TDP1: variants seen among roughly 807,000 people sequenced by gnomAD.
TDP1 encodes the protein tyr-DNA phosphodiesterase 1.
TDP1 carries 64 observed loss-of-function variants against 81.5 expected under a neutral mutation model. The ratio of observed to expected loss-of-function variants is 0.79; its 90% CI spans 0.64 to 0.97. The LOEUF (loss-of-function observed/expected upper bound fraction) is 0.97, where lower values mean the gene tolerates loss of function less well. Ranked by LOEUF, TDP1 falls within the 50% of genes least tolerant of loss-of-function variation. The probability of loss-of-function intolerance (pLI) is 0.00; values close to 1 mark genes in which losing one functional copy is unlikely to be tolerated. For missense variants in TDP1, 723 were observed against 743.8 expected (o/e 0.97, Z 0.33); for synonymous variants, 256 against 264.3 (o/e 0.97, Z 0.30).
intron 14 of TDP1, among the ~76,000 whole-genome samples, chr14:90,016,617 C>T (rs1414496802): frequency 6.6e-6 from 1 of 152,260 alleles, no homozygotes; most frequent in Non-Finnish European, 1.5e-5. Context: ...CCTCTGGCTT[C>T]TGCCTGCTCT....
intron 14 of TDP1, among the ~76,000 whole-genome samples, chr14:90,013,468 C>T (rs191691114): frequency 9.2e-5 from 14 of 152,318 alleles, no homozygotes; most frequent in Admixed American, 4.6e-4. Flanking sequence ...CACACGCTCT[C>T]TTGCCTGCCG....
chr14:90,043,066 C>T lies in TDP1; in HGVS notation c.1754-4C>T, dbSNP rs1310592883. The T allele has an allele frequency of 7.4e-6, 12 of 1,614,150 alleles. 1 individual carries two copies. The highest frequency in any genetic ancestry group is 1.0e-5 in the Non-Finnish European group (12 of 1,180,010). ...AAATATTACGTAATGTGTTTTTCCC[C>T]CAGATCGGCCATGGATATGGAACAT... On this transcript the variant is annotated splice_polypyrimidine_tract_variant and splice_region_variant and intron_variant, in intron 16 of 16. Transcript: ENST00000335725.
At position 89,989,110 on chromosome 14, in the gene TDP1, G is replaced by A. The variant is rs369527080; in HGVS notation, c.1317+20G>A. 157 of 1,595,426 alleles carry A rather than the reference G, an allele frequency of 9.8e-5. No individual in the cohort carries two copies. Among genetic ancestry groups the A allele is most frequent in the Admixed American group, 5.9e-4 (35 of 59,458 alleles). ...TACTTGGTGAGTTCTCGTCCTCATTGAGGTAGTTTACTTTTATTCTCTACA... is the reference window on the plus strand; with the variant it reads ...TACTTGGTGAGTTCTCGTCCTCATTAAGGTAGTTTACTTTTATTCTCTACA... On this transcript the variant is annotated intron_variant, in intron 11 of 16. Transcript: ENST00000335725.
chr14:89,989,683 AT>A, intron 11 of TDP1, 33 bp from the exon 12 acceptor site: 6 of 1,546,456 alleles, frequency 3.9e-6, no homozygotes, highest in Non-Finnish European at 5.4e-6. Context: ...AACATGGTAC[AT>A]TCCGAGTTTT....
chr14:89,972,317 A>G (rs1373665181), intron 6 of TDP1, among the ~76,000 whole-genome samples: 4 of 152,104 alleles, frequency 2.6e-5, no homozygotes, highest in Non-Finnish European at 5.9e-5. Context: ...ACACACTTTT[A>G]TCAAACAACC....
intron 16 of TDP1, chr14:90,033,646 GACTACTAAAGT>G: frequency 4.1e-6 from 1 of 242,838 alleles, no homozygotes. Context: ...ATTTATTGGA[GACTACTAAAGT>G]ACTGTTTCTA....
intron 14 of TDP1, among the ~76,000 whole-genome samples, chr14:89,996,726 G>A (rs1896678200): frequency 1.3e-5 from 2 of 152,226 alleles, no homozygotes; most frequent in African/African-American, 2.4e-5. Flanking sequence ...AAGGTTTAAG[G>A]TGCCAACTAT....
At chr14:89,980,455 A>G in intron 7 of TDP1, 85 bp from the exon 8 acceptor site, 1 of 1,458,806 alleles carries the variant, frequency 6.9e-7, no homozygotes, top group Non-Finnish European at 9.5e-7. Flanking sequence ...AAATTCCTTT[A>G]GCTATGTATT....
chr14:90,035,647 T>C (rs1329293060), intron 16 of TDP1, among the ~76,000 whole-genome samples: 4 of 152,240 alleles, frequency 2.6e-5, no homozygotes, highest in African/African-American at 9.6e-5. Context: ...ACTGAGATTA[T>C]CTATAAAGTA....
chr14:89,963,213 T>A lies in TDP1; in HGVS notation c.99T>A (p.Leu33=). ...PKPDKPSTSS[L]LCARQGAANE... ...CAGACAAGCCATCTACCTCTTCTCT[T>A]CTCTGTGCCAGGCAAGGAGCAGCAA... Residue 33 remains leucine (L), a synonymous_variant, in exon 3 of 17, where the codon CTT becomes CTA. Coordinates refer to ENST00000335725, the MANE Select transcript of TDP1 (RefSeq NM_018319.4). The A allele has an allele frequency of 6.2e-7, 1 of 1,614,086 alleles. No individual in the cohort carries two copies.
rs73324601 is a variant in TDP1 at position 89,982,047 on chromosome 14, A to G, written c.884+1415A>G. On this transcript the variant is annotated intron_variant, in intron 8 of 16. Transcript: ENST00000335725. Reference sequence around the variant, plus strand: ...CAACCTGAGTGCACTGCGCAGGACAAATGTAATCTCCCTCCCTTAAAGCAG... The same window carrying G: ...CAACCTGAGTGCACTGCGCAGGACAGATGTAATCTCCCTCCCTTAAAGCAG... 5.9e-3 allele frequency among the ~76,000 whole-genome samples: 905 copies of G among 152,172 alleles called. 6 individuals are homozygous for G. The highest frequency in any genetic ancestry group is 0.021 in the African/African-American group (868 of 41,504).
At chr14:89,988,778 A>G in intron 10 of TDP1, 127 bp from the exon 11 acceptor site, 1 of 1,534,104 alleles carries the variant, frequency 6.5e-7, no homozygotes. Flanking sequence ...TATGAAATTG[A>G]TCACTAGTAT....
intron 3 of TDP1, among the ~76,000 whole-genome samples, chr14:89,965,323 C>T (rs993211690): frequency 2.6e-5 from 4 of 151,192 alleles, no homozygotes; most frequent in Non-Finnish European, 4.4e-5. Flanking sequence ...TGGAGCCAGA[C>T]AGCCTAGGTT....
intron 6 of TDP1, among the ~76,000 whole-genome samples, chr14:89,973,782 C>G (rs1893927408): frequency 6.6e-6 from 1 of 152,034 alleles, no homozygotes; most frequent in South Asian, 2.1e-4. Flanking sequence ...ACTTGGGTCG[C>G]TGAAACAACA....
chr14:89,981,309 C>G (rs1051258039), intron 8 of TDP1, among the ~76,000 whole-genome samples: 4 of 152,226 alleles, frequency 2.6e-5, no homozygotes, highest in African/African-American at 9.6e-5. Flanking sequence ...TTTTAAACTA[C>G]TAACCCTCTG....
intron 16 of TDP1, among the ~76,000 whole-genome samples, chr14:90,035,998 G>A (rs898377476): frequency 6.6e-6 from 1 of 152,108 alleles, no homozygotes; most frequent in African/African-American, 2.4e-5. Flanking sequence ...GAACTTAGAA[G>A]TTTACAGCTA....
chr14:90,016,292 C>T (rs1204549091), intron 14 of TDP1, among the ~76,000 whole-genome samples: 2 of 152,150 alleles, frequency 1.3e-5, no homozygotes, highest in Non-Finnish European at 2.9e-5. Flanking sequence ...GATCCGCTGC[C>T]TTGGCCTCCC....
At chr14:90,018,700 C>T (rs574432148) in intron 14 of TDP1, among the ~76,000 whole-genome samples, 143 of 152,250 alleles carry the variant, frequency 9.4e-4, no homozygotes, top group African/African-American at 3.2e-3. Context: ...CCGCCTCGGC[C>T]TCCCAAAATG....
intron 4 of TDP1, 100 bp from the exon 5 acceptor site, chr14:89,967,267 A>G (rs2139977730): frequency 2.2e-6 from 3 of 1,359,736 alleles, no homozygotes; most frequent in East Asian, 2.3e-5. Flanking sequence ...GTGTATCACT[A>G]TTTTAGAGTT....
Sources: gnomAD v4.1 joint callset for allele counts (sites outside exome capture counted in the v4.1 genomes callset) on GRCh38, gnomAD v4.1.1 for gene constraint, MANE v1.5 for transcripts, NCBI Gene and HGNC (gene_info 2026-07-23, HGNC 2026-07-21) for gene names.